The following RGPD3 variants were observed in gnomAD, a reference collection of about 807,000 sequenced individuals.
RGPD3 encodes ranBP2-like and GRIP domain-containing protein 3.
Under a neutral mutation model 154.5 loss-of-function variants are expected in RGPD3, and 62 were observed. That is an observed-to-expected ratio of 0.40 (90% CI 0.33 to 0.50). The LOEUF is 0.50. Among genes scored for constraint, RGPD3 ranks in the 20% least tolerant of loss-of-function variants. The probability of loss-of-function intolerance (pLI) is 0.59; values close to 1 mark genes in which losing one functional copy is unlikely to be tolerated. For synonymous variants in RGPD3, 308 were observed against 607.0 expected, an observed-to-expected ratio of 0.51 and a Z score of 7.24; for missense variants, 919 against 1,716.8, an observed-to-expected ratio of 0.54 and a Z score of 8.21.
chr2:106,430,077 T>C (rs1249989385), intron 17 of RGPD3, among the ~76,000 whole-genome samples: 1 of 150,570 alleles, frequency 6.6e-6, no homozygotes, highest in Non-Finnish European at 1.5e-5. Flanking sequence ...AGAGATGCGG[T>C]TTCACCATGT....
intron 20 of RGPD3, among the ~76,000 whole-genome samples, chr2:106,422,006 T>C (rs79728952): frequency 0.048 from 7,124 of 149,392 alleles, 279 homozygotes; most frequent in Non-Finnish European, 0.072. Context: ...CAGTTATTAA[T>C]ACTTTGCTAA....
At position 106,418,118 on chromosome 2, in the gene RGPD3, C is replaced by T. The variant is rs879389839; in HGVS notation, c.4925-2129G>A. Among the ~76,000 whole-genome samples the T allele has an allele frequency of 1.4e-3, 197 of 142,160 alleles. 13 individuals carry two copies. Among genetic ancestry groups the T allele is most frequent in the African/African-American group, 4.9e-3 (186 of 38,300 alleles). The allele number at this position is 142,160 out of a possible 152,430, so 93.3% of individuals were successfully genotyped here. On this transcript the variant is annotated intron_variant, in intron 20 of 22. Coordinates refer to ENST00000409886, the MANE Select transcript of RGPD3 (RefSeq NM_001144013.2). ...ACTTCAGCCTGGTGACAGAGCAAGACTCCAGCTCAAAACAAAAAAACAAAC... is the reference window on the plus strand; with the variant it reads ...ACTTCAGCCTGGTGACAGAGCAAGATTCCAGCTCAAAACAAAAAAACAAAC...
At position 106,404,286 on chromosome 2, in the gene RGPD3, A is replaced by G. The variant is rs1164599006; in HGVS notation, c.*933T>C. Among the ~76,000 whole-genome samples, 1 of 150,150 alleles carries G rather than the reference A, an allele frequency of 6.7e-6. No individual in the cohort carries two copies. The highest frequency in any genetic ancestry group is 1.5e-5 in the Non-Finnish European group (1 of 67,662). On this transcript the variant is annotated 3_prime_UTR_variant, in exon 23 of 23. Transcript: ENST00000409886. Reference sequence around the variant, plus strand: ...GCTTGCATGCAGTGACACCCTATCAAGAGCCTGGAAAGACACCATGAAATC... The same window carrying G: ...GCTTGCATGCAGTGACACCCTATCAGGAGCCTGGAAAGACACCATGAAATC...
chr2:106,470,025 T>C (rs892270826), upstream of RGPD3, among the ~76,000 whole-genome samples: 2 of 152,214 alleles, frequency 1.3e-5, no homozygotes, highest in Non-Finnish European at 2.9e-5. Context: ...AGTAGGTTTA[T>C]TTCATTTGTA....
rs540818706 is a variant in RGPD3 at position 106,423,791 on chromosome 2, G to A, written c.4176C>T (p.His1392=). Residue 1392 remains histidine (H), a synonymous_variant, in exon 20 of 23, where the codon CAC becomes CAT. Transcript: ENST00000409886. ...GGTCCCTTCTCATCAGTATACGAAC[G>A]TGCTTATTATCATAATTCTGTAAAA... ...IKILQNYDNK[H]VRILMRRDQV... 80 of 1,611,936 alleles carry A rather than the reference G, an allele frequency of 5.0e-5. No individual in the cohort carries two copies. Among genetic ancestry groups the A allele is most frequent in the South Asian group, 3.6e-4 (33 of 90,974 alleles).
chr2:106,412,294 T>G (rs1367672568), intron 22 of RGPD3, among the ~76,000 whole-genome samples: 1 of 7,928 alleles, frequency 1.3e-4, no homozygotes, highest in African/African-American at 5.0e-4. Flanking sequence ...TACATCATAG[T>G]TTTTTTTTTT....
chr2:106,455,144 G>C (rs1678208957), intron 4 of RGPD3, among the ~76,000 whole-genome samples: 1 of 152,168 alleles, frequency 6.6e-6, no homozygotes, highest in Non-Finnish European at 1.5e-5. Context: ...CTCCAGCATG[G>C]GCGACAGAGC....
In RGPD3 at chr2:106,456,969, A is replaced by T. The variant is rs1678243916; in HGVS notation, c.405+2T>A. 2 of 1,607,602 alleles carry T rather than the reference A, an allele frequency of 1.2e-6. No homozygotes were observed. The highest frequency in any genetic ancestry group is 4.5e-5 in the East Asian group (2 of 44,694). ...TTCTCCCTTTATGTTTTGTTTGTTTACCTTTAGTTTATAAATTGCAGGACT... is the reference window on the plus strand; with the variant it reads ...TTCTCCCTTTATGTTTTGTTTGTTTTCCTTTAGTTTATAAATTGCAGGACT... On this transcript the variant is annotated splice_donor_variant, in intron 4 of 22. Transcript: ENST00000409886. LOFTEE classifies it high-confidence loss of function.
chr2:106,451,688 T>G (rs1216585423), intron 6 of RGPD3, among the ~76,000 whole-genome samples: 1 of 151,326 alleles, frequency 6.6e-6, no homozygotes, highest in African/African-American at 2.4e-5. Context: ...TGGAATTTAT[T>G]TTCAAAATGG....
intron 6 of RGPD3, among the ~76,000 whole-genome samples, chr2:106,450,982 G>A (rs75811428): frequency 0.016 from 1,891 of 119,512 alleles, no homozygotes; most frequent in South Asian, 0.024. Flanking sequence ...CCAGCTACTC[G>A]GGAGGCTGAG....
chr2:106,434,085 A>G, intron 15 of RGPD3, 143 bp downstream of exon 15: 1 of 1,226,708 alleles, frequency 8.2e-7, no homozygotes, highest in Non-Finnish European at 1.1e-6. Flanking sequence ...AAATCTAAGC[A>G]TTTAGACACA....
chr2:106,457,029 T>G lies in RGPD3; in HGVS notation c.347A>C (p.Tyr116Ser). 1 of 1,611,546 alleles carries G rather than the reference T, an allele frequency of 6.2e-7. No individual in the cohort carries two copies. Residue 116 changes from tyrosine to serine, a missense_variant, in exon 4 of 23, where the codon TAC becomes TCC. By Grantham distance (144) the Tyr-to-Ser change is moderately radical (BLOSUM62 -2). Transcript: ENST00000409886. Reference sequence around the variant, plus strand: ...AAGTTTTGCTGCTCTTTCCACCCAGTATTCTGCTCTTCCATCAGTAACATC... The same window carrying G: ...AAGTTTTGCTGCTCTTTCCACCCAGGATTCTGCTCTTCCATCAGTAACATC... The part of the protein sequence containing the change: ...KNDVTDGRAE[Y>S]WVERAAKLFP...
At position 106,447,470 on chromosome 2, in the gene RGPD3, T is replaced by C. The variant is rs1250378405; in HGVS notation, c.926A>G (p.Gln309Arg). ...LKMGQHGNNVQWRALSELAAL... is the reference protein window; with the variant it reads ...LKMGQHGNNVRWRALSELAAL... Reference sequence around the variant, plus strand: ...AGCCAGCTCAGAAAGAGCTCGCCATTGAACATTATTACCATGCTGACCCAT... The same window carrying C: ...AGCCAGCTCAGAAAGAGCTCGCCATCGAACATTATTACCATGCTGACCCAT... The change falls in exon 7 of 23, where the codon CAA (glutamine) becomes CGA (arginine). Residue 309 changes from glutamine (Q) to arginine (R), a missense_variant. Coordinates refer to ENST00000409886, the MANE Select transcript of RGPD3 (RefSeq NM_001144013.2). The C allele has an allele frequency of 3.8e-5, 8 of 210,080 alleles. No individual in the cohort carries two copies. Among genetic ancestry groups the C allele is most frequent in the African/African-American group, 1.5e-4 (1 of 6,720 alleles). 13.0% of individuals were successfully genotyped at this position (210,080 alleles called of 1,614,324 possible).
Position 106,415,812 on chromosome 2 carries a change from C to A in RGPD3, c.5064+38G>T. The A allele has an allele frequency of 1.2e-6, 2 of 1,608,566 alleles. 1 individual carries two copies. Among genetic ancestry groups the A allele is most frequent in the African/African-American group, 2.7e-5 (2 of 74,590 alleles). On this transcript the variant is annotated intron_variant, in intron 21 of 22. Coordinates refer to ENST00000409886, the MANE Select transcript of RGPD3 (RefSeq NM_001144013.2). ...TGTATGGAGGGTCCAGAAAACCAAACTGGCAGTTTTTATGGTGGCCAGGTT... is the reference window on the plus strand; with the variant it reads ...TGTATGGAGGGTCCAGAAAACCAAAATGGCAGTTTTTATGGTGGCCAGGTT...
At chr2:106,451,107 AGAAAGAAAGAAAG>A (rs1558857594) in intron 6 of RGPD3, among the ~76,000 whole-genome samples, 2 of 145,604 alleles carry the variant, frequency 1.4e-5, no homozygotes, top group African/African-American at 2.7e-5. Context: ...AAAACAAAAA[AGAAAGAAAGAAAG>A]AAAGAAAGAA....
At chr2:106,420,112 T>C (rs1676933376) in intron 20 of RGPD3, among the ~76,000 whole-genome samples, 1 of 149,222 alleles carries the variant, frequency 6.7e-6, no homozygotes, top group South Asian at 2.2e-4. Flanking sequence ...TTAGTATACA[T>C]ATGAAACTAA....
At chr2:106,451,466 G>A (rs937055136) in intron 6 of RGPD3, among the ~76,000 whole-genome samples, 6 of 147,618 alleles carry the variant, frequency 4.1e-5, no homozygotes, top group Admixed American at 2.0e-4. Flanking sequence ...TTACTAATCT[G>A]GCTTTACAGG....
rs1426233961 is a variant in RGPD3 at position 106,468,120 on chromosome 2, G to C, written c.72+97C>G. 2.7e-6 allele frequency: 4 copies of C among 1,458,950 alleles called. No homozygotes were observed. In the South Asian group the frequency reaches 3.8e-5, roughly 14 times the overall value. The allele number at this position is 1,458,950 out of a possible 1,614,324, so 90.4% of individuals were successfully genotyped here. ...CGCGCCAGGGAGCAGCGCTCGTCGG[G>C]AGCCATGACGCCTGAGCCATCGAGG... is the stretch of plus-strand genomic sequence containing the variant. On this transcript the variant is annotated intron_variant, in intron 1 of 22. Coordinates refer to ENST00000409886, the MANE Select transcript of RGPD3 (RefSeq NM_001144013.2).
chr2:106,409,787 T>A (rs1470355243), intron 22 of RGPD3, among the ~76,000 whole-genome samples: 2 of 151,338 alleles, frequency 1.3e-5, no homozygotes, highest in Admixed American at 6.6e-5. Flanking sequence ...AGTAAAAACA[T>A]GTTTGATGTC....
Sources: allele counts gnomAD v4.1 joint callset (sites outside exome capture counted in the v4.1 genomes callset), GRCh38; gene constraint gnomAD v4.1.1; transcripts MANE v1.5; gene names NCBI Gene and HGNC (gene_info 2026-07-23, HGNC 2026-07-21).